Variants in PKNOX2 observed in about 807,000 individuals in gnomAD.
PKNOX2 encodes the protein PBX/knotted 1 homeobox 2.
PKNOX2 carries 14 observed loss-of-function variants against 53.1 expected under a neutral mutation model. The ratio of observed to expected loss-of-function variants is 0.26; its 90% CI spans 0.17 to 0.41. The LOEUF is 0.41. Among genes scored for constraint, PKNOX2 ranks in the 10% least tolerant of loss-of-function variants. The pLI is 1.00. For missense variants in PKNOX2, 496 were observed against 602.8 expected (o/e 0.82, Z 1.85); for synonymous variants, 257 against 242.8 (o/e 1.06, Z -0.54).
Position 125,410,785 on chromosome 11 carries a change from C to G in PKNOX2, c.725C>G (p.Ala242Gly), listed in dbSNP as rs1233719082. The change falls in exon 9 of 13, where the codon GCC becomes GGC. Residue 242 changes from alanine (A) to glycine (G), a missense_variant. Ala to Gly is a moderately conservative substitution (Grantham distance 60, BLOSUM62 0). Coordinates refer to ENST00000298282, the MANE Select transcript of PKNOX2 (RefSeq NM_001382323.2). Reference sequence around the variant, plus strand: ...AAACTGGTTGTCTCCTCAGGTGGAGCCTTATACCAACCGGTTACCATGGTA... The same window carrying G: ...AAACTGGTTGTCTCCTCAGGTGGAGGCTTATACCAACCGGTTACCATGGTA... ...TVNSQVVSGG[A>G]LYQPVTMVTS... The G allele has an allele frequency of 1.9e-6, 3 of 1,613,962 alleles. No homozygotes were observed. Among genetic ancestry groups the G allele is most frequent in the East Asian group, 2.2e-5 (1 of 44,860 alleles).
At chr11:125,318,273 A>ATTTT (rs906412845) in intron 2 of PKNOX2, among the ~76,000 whole-genome samples, 6 of 133,404 alleles carry the variant, frequency 4.5e-5, no homozygotes, top group African/African-American at 1.4e-4. Flanking sequence ...TGCCTGGCTA[A>ATTTT]TTTTTTTTTT....
chr11:125,307,278 G>T (rs1948525243), intron 2 of PKNOX2, among the ~76,000 whole-genome samples: 1 of 152,154 alleles, frequency 6.6e-6, no homozygotes, highest in South Asian at 2.1e-4. Flanking sequence ...GACAGGACTT[G>T]ACATTAACAA....
intron 3 of PKNOX2, among the ~76,000 whole-genome samples, chr11:125,348,935 C>T (rs1951139830): frequency 1.3e-5 from 2 of 152,122 alleles, no homozygotes; most frequent in Non-Finnish European, 2.9e-5. Flanking sequence ...CCCCCAGGCT[C>T]CCTCTTCTGG....
chr11:125,294,835 A>G (rs1029832714), intron 2 of PKNOX2, among the ~76,000 whole-genome samples: 1 of 152,198 alleles, frequency 6.6e-6, no homozygotes, highest in African/African-American at 2.4e-5. Flanking sequence ...CATGCCAACA[A>G]TTGCTAGATC....
chr11:125,325,022 G>T (rs577677557), intron 2 of PKNOX2, among the ~76,000 whole-genome samples: 2 of 152,184 alleles, frequency 1.3e-5, no homozygotes, highest in Non-Finnish European at 2.9e-5. Context: ...GGGGCTGAAG[G>T]TTCCCCAAAT....
rs1346205035 is a variant in PKNOX2, at chr11:125,385,552, C to G, written c.229C>G (p.His77Asp). 6.2e-7 allele frequency: 1 copy of G among 1,606,552 alleles called. No individual in the cohort carries two copies. The highest frequency in any genetic ancestry group is 1.3e-5 in the African/African-American group (1 of 74,432). ...TGTGAGCTCTTGATGTCCCTGCAGGCACCCTCTTTTCCCGCTCCTGACGCT... is the reference window on the plus strand; with the variant it reads ...TGTGAGCTCTTGATGTCCCTGCAGGGACCCTCTTTTCCCGCTCCTGACGCT... ...LEADKRAVYR[H>D]PLFPLLTLLF... The change falls in exon 6 of 13, where the codon CAC becomes GAC. Residue 77 changes from histidine to aspartate, a missense_variant and splice_region_variant. Transcript: ENST00000298282.
intron 1 of PKNOX2, among the ~76,000 whole-genome samples, chr11:125,178,581 G>GAAAGAAAGAAA (rs1955876488): frequency 1.3e-4 from 4 of 31,424 alleles, no homozygotes; most frequent in African/African-American, 7.9e-4. Context: ...AAGGAAGGAA[G>GAAAGAAAGAAA]GAAGGAAGGA....
intron 2 of PKNOX2, among the ~76,000 whole-genome samples, chr11:125,316,203 A>G (rs1949179659): frequency 6.6e-6 from 1 of 152,140 alleles, no homozygotes. Flanking sequence ...ACCCCTCTTT[A>G]GTGGTCGTCC....
At chr11:125,327,942 G>A (rs2136093904) in intron 2 of PKNOX2, among the ~76,000 whole-genome samples, 1 of 152,320 alleles carries the variant, frequency 6.6e-6, no homozygotes, top group African/African-American at 2.4e-5. Context: ...CCTGAGTGGA[G>A]AACAGGGTCA....
rs1481756581 is a variant in PKNOX2 at position 125,367,972 on chromosome 11, C to T, written c.214C>T (p.Arg72Ter). Residue 72 changes from arginine (R) to a stop codon, truncating the protein, a stop_gained, in exon 5 of 13, where the codon CGA becomes TGA. Coordinates refer to ENST00000298282, the MANE Select transcript of PKNOX2 (RefSeq NM_001382323.2). LOFTEE classifies it high-confidence loss of function. ...CCAGGCCCAGCTGGAGGCTGACAAG[C>T]GAGCTGTATACAGGTAGGAGACACT... Reference protein sequence around the residue: ...DPQAQLEADKRAVYRHPLFPL... With the variant: ...DPQAQLEADK 3 of 1,613,160 alleles carry T rather than the reference C, an allele frequency of 1.9e-6. No individual in the cohort carries two copies. The highest frequency in any genetic ancestry group is 2.5e-6 in the Non-Finnish European group (3 of 1,179,576).
intron 2 of PKNOX2, among the ~76,000 whole-genome samples, chr11:125,324,885 G>A (rs1949743113): frequency 6.6e-6 from 1 of 152,166 alleles, no homozygotes; most frequent in Non-Finnish European, 1.5e-5. Context: ...CTCAGAGGCT[G>A]AGGGTCTGAC....
At chr11:125,229,229 G>A (rs1591488289) in intron 1 of PKNOX2, among the ~76,000 whole-genome samples, 1 of 152,086 alleles carries the variant, frequency 6.6e-6, no homozygotes, top group Admixed American at 6.6e-5. Flanking sequence ...TCAGCAGGCA[G>A]CATGAGTCAG....
At chr11:125,302,639 C>T (rs114236111) in intron 2 of PKNOX2, among the ~76,000 whole-genome samples, 2,167 of 152,288 alleles carry the variant, frequency 0.014, 55 homozygotes, top group African/African-American at 0.05. Flanking sequence ...AAGGCTGTCC[C>T]CAATCCCACC....
intron 1 of PKNOX2, among the ~76,000 whole-genome samples, chr11:125,205,811 A>G (rs1939027325): frequency 6.6e-6 from 1 of 152,034 alleles, no homozygotes; most frequent in Non-Finnish European, 1.5e-5. Context: ...ATGTAACCTA[A>G]CCCCTAACTT....
chr11:125,241,252 A>G (rs1413617855), intron 2 of PKNOX2, among the ~76,000 whole-genome samples: 6 of 152,178 alleles, frequency 3.9e-5, no homozygotes, highest in Admixed American at 2.6e-4. Context: ...ACTATGCCGG[A>G]TTGCTCAATC....
chr11:125,290,420 G>A (rs1457065655), intron 2 of PKNOX2, among the ~76,000 whole-genome samples: 1 of 152,168 alleles, frequency 6.6e-6, no homozygotes, highest in Non-Finnish European at 1.5e-5. Context: ...GACAGAGACT[G>A]AGGGTTTTTT....
intron 2 of PKNOX2, among the ~76,000 whole-genome samples, chr11:125,246,442 A>G (rs1420509719): frequency 6.6e-6 from 1 of 152,218 alleles, no homozygotes; most frequent in African/African-American, 2.4e-5. Context: ...GAGTTTTGGA[A>G]GAGACAAATG....
In PKNOX2 at chr11:125,318,773, G is replaced by A. The variant is rs930564690; in HGVS notation, c.-129-13046G>A. Among the ~76,000 whole-genome samples the A allele has an allele frequency of 4.6e-5, 7 of 152,160 alleles. No individual in the cohort carries two copies. The South Asian group carries it at 1.0e-3, about 23-fold the overall frequency. On this transcript the variant is annotated intron_variant, in intron 2 of 12. Transcript: ENST00000298282. ...TTGTAATCCCTGCCTGTTGAGGGAG[G>A]GACCTGGTGGAGGTGATTAGATCAT...
At chr11:125,303,826 G>A (rs1591520024) in intron 2 of PKNOX2, among the ~76,000 whole-genome samples, 1 of 152,196 alleles carries the variant, frequency 6.6e-6, no homozygotes, top group Non-Finnish European at 1.5e-5. Context: ...GGGAGAGACA[G>A]GCTGCCAGGC....
Sources: allele counts gnomAD v4.1 joint callset (sites outside exome capture counted in the v4.1 genomes callset), GRCh38; gene constraint gnomAD v4.1.1; transcripts MANE v1.5; gene names NCBI Gene and HGNC (gene_info 2026-07-23, HGNC 2026-07-21).